The following PPL variants were observed in gnomAD, a reference collection of about 807,000 sequenced individuals.
PPL encodes the protein 190 kDa paraneoplastic pemphigus antigen.
A neutral mutation model predicts 194.4 loss-of-function variants in PPL; 198 were observed. That is an observed-to-expected ratio of 1.02 (90% CI 0.91 to 1.15). The LOEUF is 1.15. Ranked by LOEUF, PPL falls within the 50% of genes most tolerant of loss-of-function variation. PPL has a pLI of 0.00. For missense variants in PPL, 2,885 were observed against 2,294.8 expected (o/e 1.26, Z -5.25); for synonymous variants, 1,220 against 972.4 (o/e 1.25, Z -4.74).
intron 2 of PPL, among the ~76,000 whole-genome samples, chr16:4,906,391 AT>A (rs1218026236): frequency 6.6e-6 from 1 of 151,786 alleles, no homozygotes; most frequent in Admixed American, 6.6e-5. Flanking sequence ...TGCCTGGATA[AT>A]TTTTTTGTAT....
At chr16:4,907,306 T>C (rs985304735) in intron 2 of PPL, among the ~76,000 whole-genome samples, 1 of 88,778 alleles carries the variant, frequency 1.1e-5, no homozygotes, top group African/African-American at 4.3e-5. Context: ...ATATATCTAA[T>C]CTCACACACA....
rs138114664 is a variant in PPL, at chr16:4,884,272, C to T, written c.4383G>A (p.Leu1461=). ...GCTCTTCTTCCAGCTGGAGTCGGAG[C>T]AGGGCATGCTCTCGCGCCTGCTGCG... is the stretch of plus-strand genomic sequence containing the variant. The part of the protein sequence containing the change: ...QDPQQAREHA[L]LRLQLEEEQH... Residue 1461 remains leucine, a synonymous_variant, in exon 22 of 22, where the codon CTG becomes CTA. Coordinates refer to ENST00000345988, the MANE Select transcript of PPL (RefSeq NM_002705.5). The surrounding 1 kb of genome is among the most constrained non-coding windows in gnomAD (Gnocchi z 5.7). The T allele has an allele frequency of 9.8e-4, 1,584 of 1,613,044 alleles. 16 individuals carry two copies. In the African/African-American group the frequency reaches 0.019, roughly 19 times the overall value.
chr16:4,907,079 T>TAAAAAAAAAAAAA (rs57847738), intron 2 of PPL, among the ~76,000 whole-genome samples: 1 of 76,990 alleles, frequency 1.3e-5, no homozygotes, highest in South Asian at 5.8e-4. Flanking sequence ...ACCCTATCTC[T>TAAAAAAAAAAAAA]AAAAAAAAAA....
chr16:4,894,495 C>A lies in PPL; in HGVS notation c.1366G>T (p.Asp456Tyr), dbSNP rs1172682806. ...PAVCFVIPPT[D>Y]PEALALADSL... ...TCAGCCAGAGCCAGGGCCTCAGGGTCTGTGGGGGGGATCACAAAACACACG... is the reference window on the plus strand; with the variant it reads ...TCAGCCAGAGCCAGGGCCTCAGGGTATGTGGGGGGGATCACAAAACACACG... The change falls in exon 12 of 22, where the codon GAC (aspartate) becomes TAC (tyrosine). Residue 456 changes from aspartate (D) to tyrosine (Y), a missense_variant. Coordinates refer to ENST00000345988, the MANE Select transcript of PPL (RefSeq NM_002705.5). The A allele has an allele frequency of 7.4e-6, 12 of 1,613,920 alleles. No homozygotes were observed. The highest frequency in any genetic ancestry group is 9.3e-6 in the Non-Finnish European group (11 of 1,179,976).
At chr16:4,933,371 G>A (rs1204406540) in intron 1 of PPL, among the ~76,000 whole-genome samples, 1 of 152,154 alleles carries the variant, frequency 6.6e-6, no homozygotes, top group African/African-American at 2.4e-5. Context: ...ACCCAGGTCT[G>A]GGTGGAGGGG....
At position 4,884,134 on chromosome 16, in the gene PPL, C is replaced by T. The variant is rs2088162108; in HGVS notation, c.4521G>A (p.Val1507=). The change falls in exon 22 of 22, where the codon GTG becomes GTA. Residue 1507 remains valine, a synonymous_variant. Coordinates refer to ENST00000345988, the MANE Select transcript of PPL (RefSeq NM_002705.5). This position sits in a 1 kb window ranked among gnomAD's most constrained non-coding sequence, Gnocchi z 5.7. Reference sequence around the variant, plus strand: ...TCTCTTGCTCGGTGTCGCCCTTCTCCACCTGGACACTCTCGGAGAGCACCA... The same window carrying T: ...TCTCTTGCTCGGTGTCGCCCTTCTCTACCTGGACACTCTCGGAGAGCACCA... The part of the protein sequence containing the change: ...EKVVLSESVQ[V]EKGDTEQEIQ... 3 of 1,613,400 alleles carry T rather than the reference C, an allele frequency of 1.9e-6. No individual in the cohort carries two copies. The highest frequency in any genetic ancestry group is 1.3e-5 in the African/African-American group (1 of 74,840).
chr16:4,883,792 G>A lies in PPL; in HGVS notation c.4863C>T (p.Asp1621=), dbSNP rs748683324. 6.2e-6 allele frequency: 10 copies of A among 1,614,162 alleles called. No individual in the cohort carries two copies. Among genetic ancestry groups the A allele is most frequent in the Non-Finnish European group, 8.5e-6 (10 of 1,180,042 alleles). ...CTTTGTCCTTGGAGAGCCTCTTGAG[G>A]TCATCCAGTTCCCTCTCCAGGGACC... ...RLWSLERELD[D]LKRLSKDKDL... is the part of the protein sequence containing the mutation. The change falls in exon 22 of 22, where the codon GAC becomes GAT. Residue 1621 remains aspartate, a synonymous_variant. Transcript: ENST00000345988. This position sits in a 1 kb window ranked among gnomAD's most constrained non-coding sequence, Gnocchi z 4.8.
At position 4,903,951 on chromosome 16, in the gene PPL, C is replaced by A; in HGVS notation, c.252G>T (p.Val84=). 6.2e-7 allele frequency: 1 copy of A among 1,614,100 alleles called. No homozygotes were observed. The highest frequency in any genetic ancestry group is 8.5e-7 in the Non-Finnish European group (1 of 1,180,048). The change falls in exon 3 of 22, where the codon GTG becomes GTT. Residue 84 remains valine, a synonymous_variant. Coordinates refer to ENST00000345988, the MANE Select transcript of PPL (RefSeq NM_002705.5). The part of the protein sequence containing the change: ...KVLDSEKLLY[V]LEADAAIAKH... ...TGGCAATGGCCGCATCCGCCTCTAG[C>A]ACATAGAGCAGCTTCTCAGAGTCCA...
Position 4,900,848 on chromosome 16 carries a change from G to T in PPL, c.588C>A (p.Ala196=), listed in dbSNP as rs1361797330. The T allele has an allele frequency of 6.2e-7, 1 of 1,614,120 alleles. No individual in the cohort carries two copies. Among genetic ancestry groups the T allele is most frequent in the Admixed American group, 1.7e-5 (1 of 60,022 alleles). ...GDKEQNSELR[A]KYQKLLAASQ... ...TCCTCACCAGCAGTTTCTGGTACTT[G>T]GCCCGGAGTTCGCTGTTCTGCTCCT... The change falls in exon 6 of 22, where the codon GCC becomes GCA. Residue 196 remains alanine (A), a synonymous_variant. Coordinates refer to ENST00000345988, the MANE Select transcript of PPL (RefSeq NM_002705.5).
At chr16:4,908,430 C>CTT (rs1489719496) in intron 2 of PPL, among the ~76,000 whole-genome samples, 1 of 144,980 alleles carries the variant, frequency 6.9e-6, no homozygotes, top group African/African-American at 2.6e-5. Context: ...CTTTCTCTCT[C>CTT]TCTCTCTCTC....
rs779362078 is a variant in PPL, at chr16:4,937,002, G to A, written c.44C>T (p.Pro15Leu). 1.9e-5 allele frequency: 30 copies of A among 1,558,600 alleles called. No homozygotes were observed. Among genetic ancestry groups the A allele is most frequent in the Non-Finnish European group, 1.3e-5 (15 of 1,152,506 alleles). The change falls in exon 1 of 22, where the codon CCC (proline) becomes CTC (leucine). Residue 15 changes from proline to leucine, a missense_variant. By Grantham distance (98) the Pro-to-Leu change is moderately conservative. Transcript: ENST00000345988. ...FRKRNKGKYS[P>L]TVQTRSISNK... Reference sequence around the variant, plus strand: ...TCCTCACCTCCGGGTCTGCACAGTGGGGCTGTATTTGCCTTTGTTTCTCTT... The same window carrying A: ...TCCTCACCTCCGGGTCTGCACAGTGAGGCTGTATTTGCCTTTGTTTCTCTT...
intron 1 of PPL, among the ~76,000 whole-genome samples, chr16:4,931,032 C>G (rs1458657155): frequency 6.6e-6 from 1 of 152,164 alleles, no homozygotes; most frequent in Non-Finnish European, 1.5e-5. Context: ...GCCTGCTGGG[C>G]TGCTGGCTCT....
At chr16:4,913,144 A>G (rs1252162437) in intron 1 of PPL, among the ~76,000 whole-genome samples, 1 of 151,496 alleles carries the variant, frequency 6.6e-6, no homozygotes, top group African/African-American at 2.4e-5. Context: ...TCTTGAAAGC[A>G]GACTGGCCCT....
chr16:4,919,994 A>T (rs1596580091), intron 1 of PPL, among the ~76,000 whole-genome samples: 2 of 150,684 alleles, frequency 1.3e-5, no homozygotes, highest in African/African-American at 4.9e-5. Context: ...TTTTAGAAAC[A>T]CCTCAGTCAG....
At chr16:4,909,604 T>G (rs2142383112) in intron 2 of PPL, among the ~76,000 whole-genome samples, 1 of 152,022 alleles carries the variant, frequency 6.6e-6, no homozygotes, top group Middle Eastern at 3.4e-3. Flanking sequence ...TTGTTGTATT[T>G]TTAGTAGAGA....
At chr16:4,913,847 C>G (rs2088865831) in intron 1 of PPL, among the ~76,000 whole-genome samples, 1 of 152,260 alleles carries the variant, frequency 6.6e-6, no homozygotes, top group Non-Finnish European at 1.5e-5. Flanking sequence ...AAGTTGCCTT[C>G]TACTCACACT....
At position 4,884,448 on chromosome 16, in the gene PPL, G is replaced by A. The variant is rs2088172589; in HGVS notation, c.4207C>T (p.Leu1403=). 12 of 1,601,750 alleles carry A rather than the reference G, an allele frequency of 7.5e-6. No homozygotes were observed. The highest frequency in any genetic ancestry group is 9.3e-6 in the Non-Finnish European group (11 of 1,176,974). The change falls in exon 22 of 22, where the codon CTG becomes TTG. Residue 1403 remains leucine (L), a synonymous_variant. Coordinates refer to ENST00000345988, the MANE Select transcript of PPL (RefSeq NM_002705.5). The surrounding 1 kb of genome is among the most constrained non-coding windows in gnomAD (Gnocchi z 5.7). The part of the protein sequence containing the change: ...QRRRTELERQ[L]EELERERQAR... ...TGCCGCTCGCGCTCTAGCTCCTCCA[G>A]CTGCCGCTCAAGCTCGGTGCGCCGG... is the stretch of plus-strand genomic sequence containing the variant.
intron 6 of PPL, among the ~76,000 whole-genome samples, chr16:4,900,131 T>C (rs942223987): frequency 6.6e-6 from 1 of 152,222 alleles, no homozygotes; most frequent in Non-Finnish European, 1.5e-5. Flanking sequence ...ATGCTGCCTC[T>C]GTATTCTCTG....
In PPL at chr16:4,885,258, G is replaced by A. The variant is rs147630537; in HGVS notation, c.3397C>T (p.Leu1133Phe). Reference sequence around the variant, plus strand: ...GCCTCGTCCTCATATTGGCGGGTGAGATCGCTGACCTCCCTCTCGGTGGCC... The same window carrying A: ...GCCTCGTCCTCATATTGGCGGGTGAAATCGCTGACCTCCCTCTCGGTGGCC... ...DAATEREVSD[L>F]TRQYEDEAAK... The change falls in exon 22 of 22, where the codon CTC becomes TTC. Residue 1133 changes from leucine (L) to phenylalanine (F), a missense_variant. Coordinates refer to ENST00000345988, the MANE Select transcript of PPL (RefSeq NM_002705.5). The surrounding 1 kb of genome is among the most constrained non-coding windows in gnomAD (Gnocchi z 6.3). The A allele has an allele frequency of 6.2e-6, 10 of 1,612,642 alleles. No homozygotes were observed. The African/African-American group carries it at 9.4e-5, about 15-fold the overall frequency.
Sources: gnomAD v4.1 joint callset for allele counts (sites outside exome capture counted in the v4.1 genomes callset) on GRCh38, gnomAD v4.1.1 for gene constraint, Gnocchi (gnomAD v3.1) non-coding constraint, MANE v1.5 for transcripts, NCBI Gene and HGNC (gene_info 2026-07-23, HGNC 2026-07-21) for gene names.